CHCHD3: variants seen among roughly 807,000 people sequenced by gnomAD.
CHCHD3 encodes coiled-coil-helix-coiled-coil-helix domain containing 3, also known as MICOS complex subunit MIC19.
Under a neutral mutation model 38.2 loss-of-function variants are expected in CHCHD3, and 20 were observed. The ratio of observed to expected loss-of-function variants is 0.52; its 90% CI spans 0.37 to 0.76. CHCHD3 has a LOEUF of 0.76. Ranked by LOEUF, CHCHD3 falls within the 30% of genes least tolerant of loss-of-function variation. The pLI is 0.00. For missense variants in CHCHD3, 245 were observed against 279.2 expected (o/e 0.88, Z 0.87); for synonymous variants, 82 against 100.0 (o/e 0.82, Z 1.07).
At chr7:132,809,043 G>C (rs1209639957) in intron 6 of CHCHD3, among the ~76,000 whole-genome samples, 1 of 151,956 alleles carries the variant, frequency 6.6e-6, no homozygotes, top group African/African-American at 2.4e-5. Context: ...TTGACCTCCT[G>C]GGCTCAGGTG....
intron 6 of CHCHD3, among the ~76,000 whole-genome samples, chr7:132,803,020 T>C (rs920141033): frequency 6.6e-6 from 1 of 152,124 alleles, no homozygotes; most frequent in Non-Finnish European, 1.5e-5. Flanking sequence ...TGTCAAATAA[T>C]AACGCTGTAA....
intron 6 of CHCHD3, among the ~76,000 whole-genome samples, chr7:132,797,789 A>G (rs1806658314): frequency 6.6e-6 from 1 of 152,206 alleles, no homozygotes; most frequent in Non-Finnish European, 1.5e-5. Context: ...GAACCAAATG[A>G]GTTATACGAA....
chr7:132,880,508 G>T (rs533947052), intron 5 of CHCHD3, among the ~76,000 whole-genome samples: 1 of 152,276 alleles, frequency 6.6e-6, no homozygotes, highest in East Asian at 1.9e-4. Flanking sequence ...CTAAACATTT[G>T]TGTGTATTTT....
At chr7:133,075,816 TTGG>T (rs1294227637) in intron 1 of CHCHD3, among the ~76,000 whole-genome samples, 8 of 152,214 alleles carry the variant, frequency 5.3e-5, no homozygotes, top group East Asian at 1.9e-4. Context: ...TCCCAGCACT[TTGG>T]GAGGCCAAGG....
intron 4 of CHCHD3, among the ~76,000 whole-genome samples, chr7:132,949,828 T>A (rs753054057): frequency 3.3e-5 from 5 of 152,112 alleles, no homozygotes; most frequent in Non-Finnish European, 5.9e-5. Flanking sequence ...ATGAAAATTA[T>A]AATATTGGTA....
chr7:132,926,216 C>T (rs529775472), intron 4 of CHCHD3, among the ~76,000 whole-genome samples: 3 of 152,280 alleles, frequency 2.0e-5, no homozygotes, highest in African/African-American at 7.2e-5. Context: ...ATGTCCAAGA[C>T]AGCAAGTTTG....
At chr7:132,844,806 A>T (rs957155612) in intron 5 of CHCHD3, among the ~76,000 whole-genome samples, 2 of 152,216 alleles carry the variant, frequency 1.3e-5, no homozygotes, top group African/African-American at 2.4e-5. Context: ...TATCTAAAAC[A>T]ACAATATAAT....
intron 6 of CHCHD3, among the ~76,000 whole-genome samples, chr7:132,800,492 T>C (rs1225878681): frequency 6.6e-6 from 1 of 152,170 alleles, no homozygotes; most frequent in African/African-American, 2.4e-5. Context: ...TCAAGAAAAC[T>C]ACTTACCCAT....
At chr7:132,901,187 G>A (rs1286887834) in intron 4 of CHCHD3, among the ~76,000 whole-genome samples, 1 of 152,184 alleles carries the variant, frequency 6.6e-6, no homozygotes, top group Admixed American at 6.5e-5. Flanking sequence ...TTCAGCCTCT[G>A]TACAAAGCCT....
At chr7:132,831,327 A>T (rs117900335) in intron 6 of CHCHD3, among the ~76,000 whole-genome samples, 1,745 of 152,314 alleles carry the variant, frequency 0.011, 9 homozygotes, top group Non-Finnish European at 0.018. Flanking sequence ...ACACCATTTG[A>T]TCATTTCAAA....
At chr7:132,891,372 C>T (rs1809355606) in intron 4 of CHCHD3, among the ~76,000 whole-genome samples, 1 of 152,166 alleles carries the variant, frequency 6.6e-6, no homozygotes, top group Middle Eastern at 3.2e-3. Flanking sequence ...CAGCTATAAG[C>T]AGATCCCAGC....
chr7:132,897,786 TG>T (rs1809539684), intron 4 of CHCHD3, among the ~76,000 whole-genome samples: 1 of 152,242 alleles, frequency 6.6e-6, no homozygotes. Flanking sequence ...CTGTATACTA[TG>T]TCGGTTCAGG....
At position 132,799,007 on chromosome 7, in the gene CHCHD3, CTGTGTGTGTGTGTG is replaced by C. The variant is rs58508838; in HGVS notation, c.525-2444_525-2431del. Among the ~76,000 whole-genome samples, 1,392 of 145,582 alleles carry C rather than the reference CTGTGTGTGTGTGTG, an allele frequency of 9.6e-3. 10 individuals carry two copies. The highest frequency in any genetic ancestry group is 0.02 in the East Asian group (102 of 5,002). ...TTGATTTCCTGTTTGGTGATCTGTT[CTGTGTGTGTGTGTG>C]TGTGTGTGTGTGTGTGTGTGTGTGT... On this transcript the variant is annotated intron_variant, in intron 6 of 7. Transcript: ENST00000262570.
intron 2 of CHCHD3, among the ~76,000 whole-genome samples, chr7:133,040,233 C>T (rs1813794879): frequency 6.6e-6 from 1 of 152,076 alleles, no homozygotes; most frequent in South Asian, 2.1e-4. Flanking sequence ...CTATAGCTGC[C>T]CCAGGAAAGT....
chr7:132,845,979 AT>A (rs1222952815), intron 5 of CHCHD3, among the ~76,000 whole-genome samples: 5 of 152,192 alleles, frequency 3.3e-5, no homozygotes, highest in African/African-American at 9.6e-5. Flanking sequence ...ATTATCTTGA[AT>A]TTTAAAAATC....
At chr7:133,073,718 C>T (rs923082483) in intron 1 of CHCHD3, among the ~76,000 whole-genome samples, 3 of 152,146 alleles carry the variant, frequency 2.0e-5, no homozygotes, top group African/African-American at 7.2e-5. Flanking sequence ...CTGTACCATC[C>T]GCTTAAAATG....
At chr7:132,903,403 G>A (rs1352760133) in intron 4 of CHCHD3, among the ~76,000 whole-genome samples, 1 of 152,002 alleles carries the variant, frequency 6.6e-6, no homozygotes, top group Non-Finnish European at 1.5e-5. Flanking sequence ...TGGACACAAA[G>A]GGCCAACTGT....
chr7:133,054,755 T>C (rs1176838787), intron 2 of CHCHD3, among the ~76,000 whole-genome samples: 1 of 152,166 alleles, frequency 6.6e-6, no homozygotes. Context: ...GGACATTTCC[T>C]ATAAATGGGA....
At chr7:133,024,112 GAATA>G (rs1380564922) in intron 3 of CHCHD3, among the ~76,000 whole-genome samples, 4 of 152,162 alleles carry the variant, frequency 2.6e-5, no homozygotes, top group African/African-American at 9.7e-5. Context: ...TACGTGAACA[GAATA>G]ATAATTAGTG....
Sources: allele counts gnomAD v4.1 joint callset (sites outside exome capture counted in the v4.1 genomes callset), GRCh38; gene constraint gnomAD v4.1.1; transcripts MANE v1.5; gene names NCBI Gene and HGNC (gene_info 2026-07-23, HGNC 2026-07-21).